The following TTN variants were observed in gnomAD, a reference collection of about 807,000 sequenced individuals.
TTN encodes the protein titin, also known as connectin.
In TTN, 1,525 loss-of-function variants were observed where a neutral mutation model predicts 3,223.0. The observed-to-expected ratio is 0.47, with a 90% CI of 0.45 to 0.49. The LOEUF (loss-of-function observed/expected upper bound fraction) is 0.49. TTN is among the 20% of genes least tolerant of loss of function. The pLI, the probability that TTN is intolerant of heterozygous loss-of-function variation, is 0.00. For synonymous variants in TTN, 14,094 were observed against 15,161.0 expected, an observed-to-expected ratio of 0.93 and a Z score of 5.17; for missense variants, 40,786 against 43,424.0, an observed-to-expected ratio of 0.94 and a Z score of 5.40.
chr2:178,676,171 G>A (rs1238260335), intron 147 of TTN, 176 bp from the exon 148 acceptor site: 6 of 579,520 alleles, frequency 1.0e-5, no homozygotes. Context: ...CAAGGGACCA[G>A]CAGCATATGT....
At chr2:178,745,575 A>C (rs750276150) in intron 47 of TTN, 15 of 1,611,904 alleles carry the variant, frequency 9.3e-6, no homozygotes, top group Admixed American at 1.7e-5. Flanking sequence ...AGGCACTAAA[A>C]CATTACATTT....
rs200290906 is a variant in TTN, at chr2:178,592,116, T to G, written c.59788A>C (p.Thr19930Pro). The change falls in exon 302 of 363, where the codon ACA becomes CCA. Residue 19930 changes from threonine to proline, a missense_variant. Physicochemically the swap from Thr to Pro is conservative, Grantham distance 38. Coordinates refer to ENST00000589042, the MANE Select transcript of TTN (RefSeq NM_001267550.2). ...ASAQWSPLSA[T>P]SKKKSHFAKH... is the part of the protein sequence containing the mutation. ...GCGAAGTGACTCTTTTTCTTTGATG[T>G]AGCTGAGAGAGGTGACCACTGGGCG... 1 of 1,612,966 alleles carries G rather than the reference T, an allele frequency of 6.2e-7. No homozygotes were observed. The highest frequency in any genetic ancestry group is 8.5e-7 in the Non-Finnish European group (1 of 1,179,482).
chr2:178,604,600 G>T (rs562232161), intron 281 of TTN, 108 bp downstream of exon 281: 20 of 1,196,856 alleles, frequency 1.7e-5, no homozygotes, highest in Non-Finnish European at 2.3e-5. Context: ...ACAGCTTATC[G>T]TGTGTGGTTT....
rs779286432 is a variant in TTN, at chr2:178,749,631, T to A, written c.11311+3493A>T. On this transcript the variant is annotated intron_variant, in intron 47 of 362. Transcript: ENST00000589042. Reference sequence around the variant, plus strand: ...ATTTCACCAATATTTTCGAATTGACTATTTTCTCTATAAGTGACAGGCTCC... The same window carrying A: ...ATTTCACCAATATTTTCGAATTGACAATTTTCTCTATAAGTGACAGGCTCC... 3.4e-5 allele frequency: 55 copies of A among 1,612,328 alleles called. No homozygotes were observed. Among genetic ancestry groups the A allele is most frequent in the Admixed American group, 2.5e-4 (15 of 59,756 alleles).
intron 223 of TTN, among the ~76,000 whole-genome samples, chr2:178,639,016 A>G (rs1046158016): frequency 6.6e-6 from 1 of 152,098 alleles, no homozygotes. Context: ...TAAATAGTTC[A>G]TATACAATTA....
intron 92 of TTN, 103 bp downstream of exon 92, chr2:178,713,794 A>C: frequency 4.3e-6 from 6 of 1,395,226 alleles, no homozygotes; most frequent in Non-Finnish European, 5.8e-6. Flanking sequence ...AAGATGTCGG[A>C]CTCATGTTAT....
Position 178,778,947 on chromosome 2 carries a change from A to C in TTN, c.4135T>G (p.Leu1379Val), listed in dbSNP as rs1204391475. Residue 1379 changes from leucine (L) to valine (V), a missense_variant, in exon 24 of 363, where the codon TTG becomes GTG. By Grantham distance (32) the Leu-to-Val change is conservative (BLOSUM62 1). Coordinates refer to ENST00000589042, the MANE Select transcript of TTN (RefSeq NM_001267550.2). Reference sequence around the variant, plus strand: ...AGTGGTGCAGCAGGCTCCACATACAATTTCCCTGAGCAAATTGCATTTCCT... The same window carrying C: ...AGTGGTGCAGCAGGCTCCACATACACTTTCCCTGAGCAAATTGCATTTCCT... ...IKGNAICSGK[L>V]YVEPAAPLGA... 1.9e-6 allele frequency: 3 copies of C among 1,613,874 alleles called. No individual in the cohort carries two copies. The highest frequency in any genetic ancestry group is 2.5e-6 in the Non-Finnish European group (3 of 1,179,926).
In TTN at chr2:178,581,413, A is replaced by C. The variant is rs1340036347; in HGVS notation, c.66769+86T>G. The C allele has an allele frequency of 4.2e-6, 5 of 1,176,698 alleles. No homozygotes were observed. In the African/African-American group the frequency reaches 7.7e-5, roughly 18 times the overall value. The allele number at this position is 1,176,698 out of a possible 1,614,324, so 72.9% of individuals were successfully genotyped here. Reference sequence around the variant, plus strand: ...TACCAGCTCTACACCTTGTTAATAAATTAATCTACCTAAGGGAGTTCTAGT... The same window carrying C: ...TACCAGCTCTACACCTTGTTAATAACTTAATCTACCTAAGGGAGTTCTAGT... On this transcript the variant is annotated intron_variant, in intron 316 of 362. Coordinates refer to ENST00000589042, the MANE Select transcript of TTN (RefSeq NM_001267550.2).
In TTN at chr2:178,714,584, A is replaced by T; in HGVS notation, c.26201-11T>A. Reference sequence around the variant, plus strand: ...CAAATCTTGGTGGTGCTGATGAAAAAGGAGGAAAGCCTGGGTTTTAAAATT... The same window carrying T: ...CAAATCTTGGTGGTGCTGATGAAAATGGAGGAAAGCCTGGGTTTTAAAATT... On this transcript the variant is annotated splice_polypyrimidine_tract_variant and intron_variant, in intron 90 of 362. Transcript: ENST00000589042. 6.3e-7 allele frequency: 1 copy of T among 1,579,030 alleles called. No individual in the cohort carries two copies. The highest frequency in any genetic ancestry group is 8.6e-7 in the Non-Finnish European group (1 of 1,163,226).
chr2:178,580,819 G>A, intron 316 of TTN: 1 of 555,528 alleles, frequency 1.8e-6, no homozygotes, highest in Non-Finnish European at 3.0e-6. Context: ...GCTTAACCAG[G>A]TTTTCCCCCC....
rs535388773 is a variant in TTN at position 178,622,819 on chromosome 2, T to C, written c.44816-52A>G. On this transcript the variant is annotated intron_variant, in intron 242 of 362. Transcript: ENST00000589042. ...AAATGAGGTTTCTGGAAATTTACTC[T>C]GACATTACCATAGTATACATTAAGA... The C allele has an allele frequency of 4.1e-4, 549 of 1,344,360 alleles. 17 individuals carry two copies. The South Asian group carries it at 4.8e-3, about 12-fold the overall frequency. The allele number at this position is 1,344,360 out of a possible 1,614,324, so 83.3% of individuals were successfully genotyped here. A position where few individuals can be genotyped will look rare whatever the true frequency, so the allele number is the denominator to read the frequency against.
chr2:178,806,340 T>C (rs770237642), intron 1 of TTN, among the ~76,000 whole-genome samples: 1 of 152,228 alleles, frequency 6.6e-6, no homozygotes, highest in Non-Finnish European at 1.5e-5. Context: ...TATATATCTA[T>C]GTATTTACAG....
In TTN at chr2:178,562,375, T is replaced by C. The variant is rs779721286; in HGVS notation, c.83757A>G (p.Leu27919=). The change falls in exon 326 of 363, where the codon CTA becomes CTG. Residue 27919 remains leucine (L), a synonymous_variant. Coordinates refer to ENST00000589042, the MANE Select transcript of TTN (RefSeq NM_001267550.2). ...KWSTCTQVKT[L]EATISGLTAG... ...CAGTTAAGCCAGATATAGTTGCTTC[T>C]AGAGTCTTAACTTGTGTGCAGGTGC... The C allele has an allele frequency of 6.2e-7, 1 of 1,611,108 alleles. No homozygotes were observed. Among genetic ancestry groups the C allele is most frequent in the Non-Finnish European group, 8.5e-7 (1 of 1,178,820 alleles).
chr2:178,553,019 C>G lies in TTN; in HGVS notation c.89881G>C (p.Gly29961Arg). 6.2e-7 allele frequency: 1 copy of G among 1,611,668 alleles called. No homozygotes were observed. Among genetic ancestry groups the G allele is most frequent in the East Asian group, 2.2e-5 (1 of 44,796 alleles). ...TLLWDPPLID[G>R]GSPIINYVIE... The stretch of plus-strand genomic sequence containing the variant: ...ACATAATTAATTATTGGAGATCCTC[C>G]ATCAATGAGAGGAGGATCCCAGAGC... Residue 29961 changes from glycine to arginine, a missense_variant, in exon 335 of 363, where the codon GGA becomes CGA. Physicochemically the swap from Gly to Arg is moderately radical, Grantham distance 125 (BLOSUM62 -2). Transcript: ENST00000589042.
At chr2:178,715,928 T>C (rs2077415148) in intron 88 of TTN, among the ~76,000 whole-genome samples, 154 bp from the exon 89 acceptor site, 1 of 152,130 alleles carries the variant, frequency 6.6e-6, no homozygotes, top group Non-Finnish European at 1.5e-5. Context: ...GAAACCTAAA[T>C]AGAAAATTTC....
Position 178,774,997 on chromosome 2 carries a change from C to T in TTN, c.6714G>A (p.Thr2238=), listed in dbSNP as rs774836314. The T allele has an allele frequency of 2.4e-5, 39 of 1,613,770 alleles. 1 individual carries two copies. The highest frequency in any genetic ancestry group is 8.0e-5 in the African/African-American group (6 of 74,906). The change falls in exon 29 of 363, where the codon ACG becomes ACA. Residue 2238 remains threonine (T), a synonymous_variant. Transcript: ENST00000589042. ...VHFLSILTID[T]SDAEDYSCVL... is the part of the protein sequence containing the mutation. ...CACAGCTGTAATCTTCAGCATCAGA[C>T]GTATCAATGGTCAGTATGGAGAGGA...
At chr2:178,789,305 T>C in intron 13 of TTN, 55 bp downstream of exon 13, 1 of 1,601,426 alleles carries the variant, frequency 6.2e-7, no homozygotes, top group Non-Finnish European at 8.5e-7. Flanking sequence ...TCACATGATA[T>C]GTGGTATTAA....
chr2:178,533,206 T>C lies in TTN; in HGVS notation c.103409A>G (p.Glu34470Gly). 1.2e-6 allele frequency: 2 copies of C among 1,613,980 alleles called. No individual in the cohort carries two copies. The highest frequency in any genetic ancestry group is 1.7e-6 in the Non-Finnish European group (2 of 1,179,858). Residue 34470 changes from glutamate to glycine, a missense_variant, in exon 358 of 363, where the codon GAG (glutamate) becomes GGG (glycine). By Grantham distance (98) the Glu-to-Gly change is moderately conservative. Coordinates refer to ENST00000589042, the MANE Select transcript of TTN (RefSeq NM_001267550.2). Reference protein sequence around the residue: ...KQEFKSKEEHERHVQKQIDKT... With the variant: ...KQEFKSKEEHGRHVQKQIDKT... ...GTCAATTTGTTTTTGTACGTGTCGC[T>C]CATGCTCCTCCTTACTCTTGAATTC...
intron 98 of TTN, 142 bp downstream of exon 98, chr2:178,710,493 T>A: frequency 1.9e-6 from 2 of 1,058,304 alleles, no homozygotes; most frequent in Non-Finnish European, 2.7e-6. Context: ...CTTCTCTAGA[T>A]AAACTTATTT....
Sources: gnomAD v4.1 joint callset for allele counts (sites outside exome capture counted in the v4.1 genomes callset) on GRCh38, gnomAD v4.1.1 for gene constraint, MANE v1.5 for transcripts, NCBI Gene and HGNC (gene_info 2026-07-23, HGNC 2026-07-21) for gene names.